Variants in RUNX1T1 observed in about 807,000 individuals in gnomAD.
The protein encoded by RUNX1T1 is RUNX1 partner transcriptional co-repressor 1.
RUNX1T1 carries 4 observed loss-of-function variants against 62.8 expected under a neutral mutation model. That is an observed-to-expected ratio of 0.06 (90% confidence interval 0.03 to 0.15). The LOEUF (loss-of-function observed/expected upper bound fraction) is 0.15, where lower values mean the gene tolerates loss of function less well. RUNX1T1 is among the 10% of genes least tolerant of loss of function. The pLI, the probability that RUNX1T1 is intolerant of heterozygous loss-of-function variation, is 1.00. For synonymous variants in RUNX1T1, 291 were observed against 286.0 expected, an observed-to-expected ratio of 1.02 and a Z score of -0.18; for missense variants, 508 against 754.3, an observed-to-expected ratio of 0.67 and a Z score of 3.82.
At chr8:91,986,569 A>T (rs1816611166) in intron 7 of RUNX1T1, among the ~76,000 whole-genome samples, 1 of 152,222 alleles carries the variant, frequency 6.6e-6, no homozygotes. Flanking sequence ...AAGGCATTAT[A>T]GCCAGTAAAT....
intron 1 of RUNX1T1, among the ~76,000 whole-genome samples, chr8:92,046,151 T>A (rs114910208): frequency 3.2e-4 from 49 of 152,282 alleles, no homozygotes; most frequent in African/African-American, 1.2e-3. Context: ...AAAGAATGAT[T>A]TGTATCACAC....
At chr8:91,958,859 A>C (rs943909034), downstream of RUNX1T1, 93 of 189,246 alleles carry the variant, frequency 4.9e-4, no homozygotes, top group Admixed American at 1.2e-3. Flanking sequence ...GTTTTCAGGA[A>C]AAAAAAAAAT....
intron 2 of RUNX1T1, chr8:92,071,091 A>G (rs1196838625): frequency 1.3e-5 from 2 of 152,250 alleles, no homozygotes; most frequent in Non-Finnish European, 2.9e-5. Flanking sequence ...TTGGCCACAC[A>G]TTACTGTGCA....
chr8:92,044,211 C>T (rs1563833659), intron 1 of RUNX1T1, among the ~76,000 whole-genome samples: 1 of 152,114 alleles, frequency 6.6e-6, no homozygotes, highest in Non-Finnish European at 1.5e-5. Context: ...AACCAATATG[C>T]ACTCGCTTAC....
chr8:92,062,877 A>C, exon 1 of RUNX1T1: 2 of 1,365,036 alleles, frequency 1.5e-6, no homozygotes, highest in Non-Finnish European at 1.9e-6. Context: ...TCCCCTTAGC[A>C]CTCCACCTCT....
At chr8:92,079,775 T>A (rs1391059868) in intron 1 of RUNX1T1, among the ~76,000 whole-genome samples, 1 of 152,100 alleles carries the variant, frequency 6.6e-6, no homozygotes, top group Non-Finnish European at 1.5e-5. Context: ...ACCACGCCCT[T>A]CCAGAGTGCA....
chr8:92,099,374 T>C (rs964059915), intron 1 of RUNX1T1, among the ~76,000 whole-genome samples: 7 of 152,208 alleles, frequency 4.6e-5, no homozygotes, highest in Non-Finnish European at 5.9e-5. Flanking sequence ...TGAATGTAAG[T>C]GCACTCTGCA....
In RUNX1T1 at chr8:91,976,587, C is replaced by T. The variant is rs376312457; in HGVS notation, c.1199-614G>A. ...CATTCTGTTGAGCAGAGAGAATTAG[C>T]CCATGCTTTCCAGAAAAGGAAATGA... On this transcript the variant is annotated intron_variant, in intron 8 of 10. Transcript: ENST00000396218. Among the ~76,000 whole-genome samples, 9 of 152,292 alleles carry T rather than the reference C, an allele frequency of 5.9e-5. No individual in the cohort carries two copies. In the East Asian group the frequency reaches 1.7e-3, roughly 29 times the overall value.
At chr8:92,071,013 C>T (rs1420433699) in intron 2 of RUNX1T1, among the ~76,000 whole-genome samples, 1 of 152,220 alleles carries the variant, frequency 6.6e-6, no homozygotes, top group Non-Finnish European at 1.5e-5. Context: ...CTCTTATATT[C>T]ATGGGATCTC....
chr8:92,081,022 G>C lies in RUNX1T1; in HGVS notation c.-85-4885C>G, dbSNP rs554819790. Among the ~76,000 whole-genome samples, 6 of 152,288 alleles carry C rather than the reference G, an allele frequency of 3.9e-5. No homozygotes were observed. The East Asian group carries it at 1.2e-3, about 29-fold the overall frequency. The stretch of plus-strand genomic sequence containing the variant: ...TTTCAAAAAATAAAGTGTTATAAAT[G>C]ACTGTGGCCTACACACGCGGGCCAT... On this transcript the variant is annotated intron_variant, in intron 1 of 11. Transcript: ENST00000265814.
At chr8:92,050,674 A>G (rs1269708664) in intron 1 of RUNX1T1, among the ~76,000 whole-genome samples, 2 of 152,188 alleles carry the variant, frequency 1.3e-5, no homozygotes, top group Non-Finnish European at 2.9e-5. Flanking sequence ...CCAATTAAAC[A>G]TGGTGCGTCA....
chr8:91,960,563 G>C (rs370843644), intron 10 of RUNX1T1, 46 bp from the exon 12 acceptor site: 9 of 1,581,624 alleles, frequency 5.7e-6, no homozygotes, highest in Admixed American at 3.4e-5. Flanking sequence ...TTAATACACT[G>C]TTAAGACAAT....
downstream of RUNX1T1, chr8:91,958,055 A>C (rs532546170): frequency 1.9e-5 from 4 of 209,904 alleles, no homozygotes; most frequent in South Asian, 7.5e-4. Flanking sequence ...GATACTTAAA[A>C]GCCACTTAAA....
At chr8:91,964,180 T>A (rs1811108612) in intron 10 of RUNX1T1, among the ~76,000 whole-genome samples, 1 of 152,200 alleles carries the variant, frequency 6.6e-6, no homozygotes, top group Admixed American at 6.5e-5. Context: ...ACTGAAGGTA[T>A]TCGACACTTT....
intron 1 of RUNX1T1, among the ~76,000 whole-genome samples, chr8:92,076,454 T>G (rs1211110138): frequency 6.6e-6 from 1 of 152,138 alleles, no homozygotes; most frequent in African/African-American, 2.4e-5. Flanking sequence ...GAATGTTACA[T>G]TTTACCTGTT....
At chr8:92,000,164 G>A (rs531322878) in intron 5 of RUNX1T1, among the ~76,000 whole-genome samples, 10 of 152,008 alleles carry the variant, frequency 6.6e-5, no homozygotes, top group South Asian at 4.2e-4. Flanking sequence ...AAAATTAGCC[G>A]GGCATGGTGG....
chr8:92,016,036 C>T (rs776348764), intron 2 of RUNX1T1, among the ~76,000 whole-genome samples: 2 of 152,214 alleles, frequency 1.3e-5, no homozygotes, highest in Non-Finnish European at 2.9e-5. Context: ...GAGATGCGTA[C>T]TTTGCTAATC....
At chr8:92,091,032 CA>C (rs1163686466) in intron 1 of RUNX1T1, among the ~76,000 whole-genome samples, 10 of 152,144 alleles carry the variant, frequency 6.6e-5, no homozygotes, top group Non-Finnish European at 2.9e-5. Flanking sequence ...GCCCTGAGCA[CA>C]CTTAGAAGTG....
intron 8 of RUNX1T1, among the ~76,000 whole-genome samples, chr8:91,978,587 C>T (rs1814500972): frequency 6.6e-6 from 1 of 152,144 alleles, no homozygotes; most frequent in Non-Finnish European, 1.5e-5. Flanking sequence ...ATTTTTTAAA[C>T]TCCCAGAATC....
Sources: allele counts gnomAD v4.1 joint callset (sites outside exome capture counted in the v4.1 genomes callset), GRCh38; gene constraint gnomAD v4.1.1; transcripts MANE v1.5; gene names NCBI Gene and HGNC (gene_info 2026-07-23, HGNC 2026-07-21).